Variants in ZNF385B observed in about 807,000 individuals in gnomAD.
The protein encoded by ZNF385B is zinc finger protein 533.
Under a neutral mutation model 39.2 loss-of-function variants are expected in ZNF385B, and 23 were observed. The observed-to-expected ratio is 0.59, with a 90% confidence interval of 0.42 to 0.83. The LOEUF (loss-of-function observed/expected upper bound fraction) is 0.83, where lower values mean the gene tolerates loss of function less well. Ranked by LOEUF, ZNF385B falls within the 40% of genes least tolerant of loss-of-function variation. The pLI is 0.00. For synonymous variants in ZNF385B, 205 were observed against 222.6 expected, an observed-to-expected ratio of 0.92 and a Z score of 0.70; for missense variants, 552 against 598.9, an observed-to-expected ratio of 0.92 and a Z score of 0.82.
chr2:179,743,203 C>T (rs565919364), intron 3 of ZNF385B, among the ~76,000 whole-genome samples: 37 of 152,052 alleles, frequency 2.4e-4, no homozygotes, highest in African/African-American at 8.2e-4. Flanking sequence ...CAATTTGTTT[C>T]ATGGGCTTTG....
chr2:179,503,875 A>ATT (rs1192797851), intron 5 of ZNF385B, among the ~76,000 whole-genome samples: 1 of 102,410 alleles, frequency 9.8e-6, no homozygotes. Flanking sequence ...TTTTTTTTTC[A>ATT]TTCTTTTTTT....
At chr2:179,651,721 G>A (rs1005878624) in intron 3 of ZNF385B, among the ~76,000 whole-genome samples, 1 of 152,088 alleles carries the variant, frequency 6.6e-6, no homozygotes, top group Non-Finnish European at 1.5e-5. Context: ...AGTGGATGAG[G>A]AGAATCTGAA....
intron 5 of ZNF385B, among the ~76,000 whole-genome samples, chr2:179,518,204 T>C (rs893504992): frequency 1.3e-5 from 2 of 152,220 alleles, no homozygotes; most frequent in African/African-American, 4.8e-5. Flanking sequence ...TAGCCACTTA[T>C]AGACTATTGT....
intron 6 of ZNF385B, among the ~76,000 whole-genome samples, chr2:179,482,834 C>T (rs965685042): frequency 3.3e-5 from 5 of 152,182 alleles, no homozygotes; most frequent in African/African-American, 9.6e-5. Context: ...CTTTTTACTA[C>T]AGTAAGAGAA....
At chr2:179,552,978 G>A (rs1315187377) in intron 3 of ZNF385B, among the ~76,000 whole-genome samples, 1 of 149,056 alleles carries the variant, frequency 6.7e-6, no homozygotes, top group East Asian at 1.9e-4. Flanking sequence ...ATGAGAAACT[G>A]AGGCACAGAG....
chr2:179,532,728 C>T (rs1400822), intron 4 of ZNF385B, among the ~76,000 whole-genome samples: 303 of 152,020 alleles, frequency 2.0e-3, no homozygotes, highest in Non-Finnish European at 3.5e-3. Flanking sequence ...CAACACAAGA[C>T]GCTGATATGC....
At chr2:179,805,741 A>C (rs1020706237) in intron 1 of ZNF385B, among the ~76,000 whole-genome samples, 1 of 152,174 alleles carries the variant, frequency 6.6e-6, no homozygotes, top group African/African-American at 2.4e-5. Flanking sequence ...ATTCAGTAAG[A>C]CCTATATAAT....
rs1692195022 is a variant in ZNF385B at position 179,640,774 on chromosome 2, TA to T, written c.299-95806del. On this transcript the variant is annotated intron_variant, in intron 3 of 9. Transcript: ENST00000410066. Reference sequence around the variant, plus strand: ...TTGGTATTACACTTGGTTAATTGAGTAAAAAACAGAACAACAACAAAAAAAA... The same window carrying T: ...TTGGTATTACACTTGGTTAATTGAGTAAAAACAGAACAACAACAAAAAAAA... 2.6e-5 allele frequency among the ~76,000 whole-genome samples: 4 copies of T among 152,194 alleles called. No individual in the cohort carries two copies. In the South Asian group the frequency reaches 6.2e-4, roughly 24 times the overall value.
At chr2:179,741,484 G>A (rs1179874577) in intron 3 of ZNF385B, among the ~76,000 whole-genome samples, 1 of 152,046 alleles carries the variant, frequency 6.6e-6, no homozygotes, top group Non-Finnish European at 1.5e-5. Flanking sequence ...AACACTCTCA[G>A]CAAAGGACCC....
intron 3 of ZNF385B, among the ~76,000 whole-genome samples, chr2:179,719,595 G>A (rs1575336559): frequency 6.6e-6 from 1 of 152,280 alleles, no homozygotes; most frequent in South Asian, 2.1e-4. Context: ...GCAGTGGTTT[G>A]GATTCAGACT....
chr2:179,580,892 G>T (rs984787917), intron 3 of ZNF385B, among the ~76,000 whole-genome samples: 1 of 152,202 alleles, frequency 6.6e-6, no homozygotes, highest in Non-Finnish European at 1.5e-5. Flanking sequence ...AGGGAGCAGT[G>T]TGGTCTGACA....
chr2:179,724,513 A>T (rs571883783), intron 3 of ZNF385B, among the ~76,000 whole-genome samples: 64 of 152,304 alleles, frequency 4.2e-4, no homozygotes, highest in African/African-American at 1.5e-3. Flanking sequence ...TCTATAATTT[A>T]CCCTATTAAG....
At chr2:179,652,049 G>C (rs1282270595) in intron 3 of ZNF385B, among the ~76,000 whole-genome samples, 1 of 152,078 alleles carries the variant, frequency 6.6e-6, no homozygotes, top group Non-Finnish European at 1.5e-5. Context: ...ACAGAACTGA[G>C]CTCCATTTTT....
At chr2:179,803,685 G>C (rs1232255500) in intron 1 of ZNF385B, among the ~76,000 whole-genome samples, 1 of 152,018 alleles carries the variant, frequency 6.6e-6, no homozygotes, top group African/African-American at 2.4e-5. Context: ...AATATCAGTA[G>C]CATTTACTGA....
intron 5 of ZNF385B, among the ~76,000 whole-genome samples, chr2:179,502,431 G>T (rs2056849565): frequency 1.3e-5 from 2 of 152,160 alleles, no homozygotes; most frequent in Admixed American, 6.5e-5. Flanking sequence ...CCTAATGGGA[G>T]GTGATTGAAT....
chr2:179,568,901 A>C (rs3112924), intron 3 of ZNF385B, among the ~76,000 whole-genome samples: 37,810 of 152,032 alleles, frequency 0.25, 5,253 homozygotes, highest in East Asian at 0.59. Context: ...CTTATCCTAA[A>C]CTGAGGATAA....
chr2:179,477,018 C>T (rs2053509712), intron 6 of ZNF385B, among the ~76,000 whole-genome samples: 1 of 152,078 alleles, frequency 6.6e-6, no homozygotes, highest in Non-Finnish European at 1.5e-5. Context: ...TATTTTTCTT[C>T]CATTCAACAT....
rs116423544 is a variant in ZNF385B at position 179,571,334 on chromosome 2, T to C, written c.299-26365A>G. Among the ~76,000 whole-genome samples, 1,217 of 152,288 alleles carry C rather than the reference T, an allele frequency of 8.0e-3. 20 individuals carry two copies. Among genetic ancestry groups the C allele is most frequent in the African/African-American group, 0.028 (1,168 of 41,552 alleles). On this transcript the variant is annotated intron_variant, in intron 3 of 9. Transcript: ENST00000410066. ...GCTGTAAAAATAATGACAGTGATTA[T>C]GATGATGATGACAGCACTGTGATCT...
rs189521751 is a variant in ZNF385B at position 179,706,955 on chromosome 2, G to A, written c.298+62548C>T. On this transcript the variant is annotated intron_variant, in intron 3 of 9. Transcript: ENST00000410066. ...GCTGACCCCCACAGCAATGAGTTAG[G>A]GCTATTATGACTAAATCATCCTGGG... Among the ~76,000 whole-genome samples, 760 of 152,252 alleles carry A rather than the reference G, an allele frequency of 5.0e-3. 12 individuals carry two copies. Among genetic ancestry groups the A allele is most frequent in the African/African-American group, 0.017 (708 of 41,552 alleles).
Sources: allele counts gnomAD v4.1 joint callset (sites outside exome capture counted in the v4.1 genomes callset), GRCh38; gene constraint gnomAD v4.1.1; transcripts MANE v1.5; gene names NCBI Gene and HGNC (gene_info 2026-07-23, HGNC 2026-07-21).